The following PAK3 variants were observed in gnomAD, a reference collection of about 807,000 sequenced individuals.
PAK3 encodes p21 (RAC1) activated kinase 3, also known as serine/threonine-protein kinase PAK 3.
In PAK3, 4 loss-of-function variants were observed where a neutral mutation model predicts 41.0. The ratio of observed to expected loss-of-function variants is 0.10; its 90% confidence interval spans 0.05 to 0.22. The LOEUF (loss-of-function observed/expected upper bound fraction) is 0.22, where lower values mean the gene tolerates loss of function less well. Ranked by LOEUF, PAK3 falls within the 10% of genes least tolerant of loss-of-function variation. The probability of loss-of-function intolerance (pLI) is 1.00; values close to 1 mark genes in which losing one functional copy is unlikely to be tolerated. For missense variants in PAK3, 205 were observed against 409.9 expected (o/e 0.50, Z 4.32); for synonymous variants, 146 against 139.6 (o/e 1.05, Z -0.32).
At chrX:110,957,041 A>T (rs951955035) in intron 1 of PAK3, among the ~76,000 whole-genome samples, 1 of 111,566 alleles carries the variant, frequency 9.0e-6, no homozygotes, top group African/African-American at 3.3e-5. Context: ...CAAAGTGACC[A>T]TTTCAGAGAA....
chrX:111,080,147 G>T lies in PAK3; in HGVS notation c.-27-42930G>T. On this transcript the variant is annotated intron_variant, in intron 1 of 14. Transcript: ENST00000425146. ...TTGATAAAGCATCAGCAGGGTTGGA[G>T]ATCATTGACTTCAATTTTGAAAGAG... Among the ~76,000 whole-genome samples the T allele has an allele frequency of 2.7e-5, 3 of 112,417 alleles. 1 individual carries two copies. The Middle Eastern group carries it at 0.014, about 516-fold the overall frequency.
intron 1 of PAK3, among the ~76,000 whole-genome samples, chrX:111,001,704 C>T (rs2091851457): frequency 1.8e-5 from 2 of 112,081 alleles, no homozygotes; most frequent in South Asian, 7.4e-4. Context: ...AATGATGTTG[C>T]TTGGCAAGCA....
intron 5 of PAK3, among the ~76,000 whole-genome samples, chrX:111,128,733 A>G (rs2093679425): frequency 8.9e-6 from 1 of 112,377 alleles, no homozygotes; most frequent in South Asian, 3.7e-4. Context: ...GATTTGAAAC[A>G]TATCTGAATT....
At chrX:111,013,327 A>C (rs2092038317) in intron 1 of PAK3, among the ~76,000 whole-genome samples, 2 of 111,996 alleles carry the variant, frequency 1.8e-5, no homozygotes, top group Admixed American at 9.5e-5. Context: ...TTAGCAGCAG[A>C]GCTAAGCCTT....
At chrX:111,091,487 T>G (rs1181804844), upstream of PAK3, among the ~76,000 whole-genome samples, 3 of 112,120 alleles carry the variant, frequency 2.7e-5, no homozygotes, top group Non-Finnish European at 3.8e-5. Context: ...GTTCAGGATT[T>G]CCTCTCCAGA....
Position 111,220,399 on chromosome X carries a change from T to C in PAK3, c.1587T>C (p.Thr529=). 1 of 1,206,106 alleles carries C rather than the reference T, an allele frequency of 8.3e-7. No individual in the cohort carries two copies. The highest frequency in any genetic ancestry group is 3.0e-5 in the East Asian group (1 of 33,795). ...LKLAKPLSSL[T]PLIIAAKEAI... Reference sequence around the variant, plus strand: ...TAGCCAAGCCTCTCTCCAGCCTGACTCCTCTGATTATCGCTGCAAAGGAAG... The same window carrying C: ...TAGCCAAGCCTCTCTCCAGCCTGACCCCTCTGATTATCGCTGCAAAGGAAG... Residue 529 remains threonine, a synonymous_variant, in exon 18 of 18, where the codon ACT becomes ACC. Coordinates refer to ENST00000372007, the MANE Select transcript of PAK3 (RefSeq NM_002578.5).
At chrX:111,175,367 T>C (rs1272560253) in intron 11 of PAK3, among the ~76,000 whole-genome samples, 7 of 111,948 alleles carry the variant, frequency 6.3e-5, no homozygotes, top group Non-Finnish European at 1.3e-4. Flanking sequence ...CATTAATATA[T>C]TTTTTATTGA....
chrX:111,162,884 C>T, intron 8 of PAK3, 31 bp from the exon 9 acceptor site: 1 of 1,181,913 alleles, frequency 8.5e-7, no homozygotes, highest in Middle Eastern at 2.4e-4. Context: ...GGAGTTAATA[C>T]CTGATCTTTA....
At chrX:111,161,499 T>G (rs2094188014) in intron 8 of PAK3, among the ~76,000 whole-genome samples, 1 of 111,014 alleles carries the variant, frequency 9.0e-6, no homozygotes, top group Non-Finnish European at 1.9e-5. Flanking sequence ...TTTTGGCTTT[T>G]GTTGTCATTG....
At chrX:111,007,623 G>A (rs754162720) in intron 1 of PAK3, among the ~76,000 whole-genome samples, 1 of 111,760 alleles carries the variant, frequency 8.9e-6, no homozygotes, top group Non-Finnish European at 1.9e-5. Flanking sequence ...ACTGTAAGTG[G>A]AGAACCAAAA....
At chrX:111,116,972 C>G (rs771731362) in intron 4 of PAK3, among the ~76,000 whole-genome samples, 10 of 111,949 alleles carry the variant, frequency 8.9e-5, no homozygotes, top group African/African-American at 2.9e-4. Flanking sequence ...CTCCATTACA[C>G]ACTGTAATGG....
At chrX:111,041,957 C>A (rs2092456484) in intron 1 of PAK3, among the ~76,000 whole-genome samples, 1 of 111,790 alleles carries the variant, frequency 8.9e-6, no homozygotes, top group Non-Finnish European at 1.9e-5. Context: ...TTTATTACTG[C>A]ATATATATTT....
chrX:111,057,833 C>T (rs1004352079), intron 1 of PAK3, among the ~76,000 whole-genome samples: 17 of 111,682 alleles, frequency 1.5e-4, no homozygotes, highest in Middle Eastern at 4.6e-3. Context: ...AGTCACTCCC[C>T]GCTCTCCCCT....
chrX:111,050,719 T>A (rs1456267586), intron 1 of PAK3, among the ~76,000 whole-genome samples: 1 of 112,396 alleles, frequency 8.9e-6, no homozygotes, highest in Non-Finnish European at 1.9e-5. Flanking sequence ...TTGCTTCATC[T>A]TGAACCCTTG....
At chrX:111,171,881 T>A (rs941184712) in intron 10 of PAK3, among the ~76,000 whole-genome samples, 1 of 112,111 alleles carries the variant, frequency 8.9e-6, no homozygotes, top group African/African-American at 3.2e-5. Context: ...GTAAATCATA[T>A]GTCAGTAAAT....
At chrX:111,148,006 G>T in intron 7 of PAK3, 116 bp downstream of exon 7, 1 of 627,404 alleles carries the variant, frequency 1.6e-6, no homozygotes, top group Admixed American at 2.8e-5. Context: ...TTCTTCAAAT[G>T]ACATCAACAT....
chrX:111,070,529 G>T (rs1345735204), intron 1 of PAK3, among the ~76,000 whole-genome samples: 1 of 111,870 alleles, frequency 8.9e-6, no homozygotes, highest in Non-Finnish European at 1.9e-5. Flanking sequence ...GGGCGAGAAG[G>T]CTTCTTTGAC....
At chrX:111,017,805 C>A (rs1483665735) in intron 1 of PAK3, among the ~76,000 whole-genome samples, 1 of 111,566 alleles carries the variant, frequency 9.0e-6, no homozygotes, top group East Asian at 2.8e-4. Context: ...GACCAATATA[C>A]CTTATGAATA....
intron 1 of PAK3, among the ~76,000 whole-genome samples, chrX:110,958,539 G>A (rs929500832): frequency 1.8e-5 from 2 of 111,197 alleles, no homozygotes; most frequent in African/African-American, 6.6e-5. Context: ...CTACTAGACT[G>A]GATATAAGGA....
Sources: gnomAD v4.1 joint callset for allele counts (sites outside exome capture counted in the v4.1 genomes callset) on GRCh38, gnomAD v4.1.1 for gene constraint, MANE v1.5 for transcripts, NCBI Gene and HGNC (gene_info 2026-07-23, HGNC 2026-07-21) for gene names.